ACTR3B: variants seen among roughly 807,000 people sequenced by gnomAD.
ACTR3B encodes the protein actin related protein 3B.
Under a neutral mutation model 59.0 loss-of-function variants are expected in ACTR3B, and 8 were observed. The ratio of observed to expected loss-of-function variants is 0.14; its 90% CI spans 0.08 to 0.24. The LOEUF is 0.24. ACTR3B is among the 10% of genes least tolerant of loss of function. The probability of loss-of-function intolerance (pLI) is 1.00; values close to 1 mark genes in which losing one functional copy is unlikely to be tolerated. For missense variants in ACTR3B, 245 were observed against 552.3 expected (o/e 0.44, Z 5.58); for synonymous variants, 148 against 197.9 (o/e 0.75, Z 2.12).
intron 1 of ACTR3B, among the ~76,000 whole-genome samples, chr7:152,772,307 C>T (rs190861628): frequency 2.3e-3 from 342 of 147,552 alleles, no homozygotes; most frequent in African/African-American, 7.9e-3. Flanking sequence ...TTGCTTGAGC[C>T]CAGGAGTTGG....
intron 1 of ACTR3B, among the ~76,000 whole-genome samples, chr7:152,774,139 T>C (rs1272490855): frequency 2.0e-5 from 3 of 152,192 alleles, no homozygotes; most frequent in Non-Finnish European, 4.4e-5. Context: ...TAAAATTTTT[T>C]TGTTGTTGTT....
intron 6 of ACTR3B, among the ~76,000 whole-genome samples, chr7:152,819,672 G>A (rs934455090): frequency 6.6e-6 from 1 of 152,122 alleles, no homozygotes; most frequent in African/African-American, 2.4e-5. Flanking sequence ...GGGAGGCAGT[G>A]GAATGAGAGG....
At chr7:152,836,158 TTGTC>T (rs1797439806) in intron 9 of ACTR3B, among the ~76,000 whole-genome samples, 1 of 151,588 alleles carries the variant, frequency 6.6e-6, no homozygotes, top group South Asian at 2.1e-4. Context: ...TGAGGGGCCT[TTGTC>T]TGCTGTCTGG....
chr7:152,822,259 G>A (rs965651814), intron 7 of ACTR3B, among the ~76,000 whole-genome samples: 33 of 152,326 alleles, frequency 2.2e-4, no homozygotes, highest in East Asian at 1.9e-3. Context: ...CCACGAGAGC[G>A]TCTTTGGAGG....
intron 7 of ACTR3B, among the ~76,000 whole-genome samples, chr7:152,821,271 T>C (rs1034195845): frequency 6.6e-6 from 1 of 152,072 alleles, no homozygotes; most frequent in African/African-American, 2.4e-5. Context: ...CTTTCCTCCA[T>C]GGAAGAATAT....
chr7:152,777,386 T>C (rs778903035), intron 1 of ACTR3B, among the ~76,000 whole-genome samples: 3 of 152,186 alleles, frequency 2.0e-5, no homozygotes, highest in African/African-American at 7.2e-5. Flanking sequence ...TCTGCTTGTA[T>C]GTAGAGAGTT....
chr7:152,829,849 C>A (rs1374708425), intron 9 of ACTR3B, among the ~76,000 whole-genome samples: 1 of 152,162 alleles, frequency 6.6e-6, no homozygotes, highest in Non-Finnish European at 1.5e-5. Flanking sequence ...GTTTGAATTG[C>A]TTTGTAATGT....
rs538247018 is a variant in ACTR3B, at chr7:152,800,064, T to C, written c.101-467T>C. Among the ~76,000 whole-genome samples, 9 of 152,354 alleles carry C rather than the reference T, an allele frequency of 5.9e-5. No homozygotes were observed. The South Asian group carries it at 1.7e-3, about 28-fold the overall frequency. ...TGGGATAAATTTTAACGGTTTTTTT[T>C]CTTCCTGTAACAAGACTAAAAGTAC... On this transcript the variant is annotated intron_variant, in intron 2 of 11. Coordinates refer to ENST00000256001, the MANE Select transcript of ACTR3B (RefSeq NM_020445.6).
intron 1 of ACTR3B, among the ~76,000 whole-genome samples, chr7:152,781,871 G>A (rs1298804155): frequency 2.6e-5 from 4 of 152,020 alleles, no homozygotes; most frequent in African/African-American, 9.7e-5. Context: ...TCCAGCTCTT[G>A]AGTTGTGGAG....
chr7:152,768,202 A>C (rs767737153), intron 1 of ACTR3B, among the ~76,000 whole-genome samples: 1 of 152,232 alleles, frequency 6.6e-6, no homozygotes, highest in Non-Finnish European at 1.5e-5. Context: ...CAGCCTGGGC[A>C]ACAGAGCCAG....
intron 9 of ACTR3B, among the ~76,000 whole-genome samples, chr7:152,837,459 A>T (rs1365258754): frequency 6.6e-6 from 1 of 152,274 alleles, no homozygotes; most frequent in Non-Finnish European, 1.5e-5. Context: ...GTTGAAAAAT[A>T]ATAAGCTCAG....
intron 2 of ACTR3B, among the ~76,000 whole-genome samples, chr7:152,795,148 C>T (rs1331438546): frequency 6.6e-6 from 1 of 151,970 alleles, no homozygotes; most frequent in African/African-American, 2.4e-5. Context: ...AATTCTCCTG[C>T]CTCAGCCTCC....
At chr7:152,834,369 G>C (rs1797270757) in intron 9 of ACTR3B, among the ~76,000 whole-genome samples, 1 of 152,170 alleles carries the variant, frequency 6.6e-6, no homozygotes, top group African/African-American at 2.4e-5. Context: ...GGCCAGGCTG[G>C]TCTCGAACTC....
chr7:152,775,640 T>C (rs2098134542), intron 1 of ACTR3B, among the ~76,000 whole-genome samples: 1 of 151,860 alleles, frequency 6.6e-6, no homozygotes, highest in Admixed American at 6.6e-5. Flanking sequence ...ATGCCTGTGG[T>C]CCCAGCTACT....
chr7:152,810,749 A>G (rs1795164919), intron 4 of ACTR3B: 1 of 152,058 alleles, frequency 6.6e-6, no homozygotes, highest in African/African-American at 2.4e-5. Flanking sequence ...TAAAAATACA[A>G]AACTTAACTG....
intron 1 of ACTR3B, among the ~76,000 whole-genome samples, chr7:152,772,333 ACATAG>A (rs201820750): frequency 0.03 from 4,455 of 148,778 alleles, 96 homozygotes; most frequent in Middle Eastern, 0.099. Flanking sequence ...AGCCTGGGGA[ACATAG>A]CAAGACCCTG....
At chr7:152,840,517 AGGCCTTTG>A (rs1387134093) in intron 9 of ACTR3B, among the ~76,000 whole-genome samples, 2 of 151,796 alleles carry the variant, frequency 1.3e-5, no homozygotes, top group African/African-American at 4.8e-5. Flanking sequence ...GGGGAGTGTG[AGGCCTTTG>A]GGCATCCCCA....
chr7:152,837,597 G>GC (rs2116940404), intron 9 of ACTR3B, among the ~76,000 whole-genome samples: 1 of 152,352 alleles, frequency 6.6e-6, no homozygotes, highest in South Asian at 2.1e-4. Flanking sequence ...TCCTGATCCC[G>GC]CCCCTCAGCT....
intron 4 of ACTR3B, among the ~76,000 whole-genome samples, chr7:152,807,771 T>C (rs530170434): frequency 6.6e-6 from 1 of 152,354 alleles, no homozygotes; most frequent in African/African-American, 2.4e-5. Context: ...TTTCCTCTTT[T>C]GCGAGCTGTC....
Sources: allele counts gnomAD v4.1 joint callset (sites outside exome capture counted in the v4.1 genomes callset), GRCh38; gene constraint gnomAD v4.1.1; transcripts MANE v1.5; gene names NCBI Gene and HGNC (gene_info 2026-07-23, HGNC 2026-07-21).